Variants in ADAMTS17 observed in about 807,000 individuals in gnomAD.
ADAMTS17 encodes A disintegrin and metalloproteinase with thrombospondin motifs 17.
In ADAMTS17, 113 loss-of-function variants were observed where a neutral mutation model predicts 141.5. That is an observed-to-expected ratio of 0.80 (90% CI 0.69 to 0.93). ADAMTS17 has a LOEUF of 0.93. Ranked by LOEUF, ADAMTS17 falls within the 40% of genes least tolerant of loss-of-function variation. The pLI is 0.00. For missense variants in ADAMTS17, 1,659 were observed against 1,517.9 expected, an observed-to-expected ratio of 1.09 and a Z score of -1.54; for synonymous variants, 768 against 630.6, an observed-to-expected ratio of 1.22 and a Z score of -3.27.
intron 19 of ADAMTS17, among the ~76,000 whole-genome samples, chr15:99,996,995 C>T (rs924106344): frequency 1.3e-5 from 2 of 152,168 alleles, no homozygotes; most frequent in Non-Finnish European, 2.9e-5. Context: ...ATCTGACTCT[C>T]GTAATCTACA....
At chr15:100,138,362 A>G (rs1265563756) in intron 10 of ADAMTS17, among the ~76,000 whole-genome samples, 1 of 152,258 alleles carries the variant, frequency 6.6e-6, no homozygotes, top group African/African-American at 2.4e-5. Flanking sequence ...AGGTAATAAA[A>G]TTGTCAGATA....
At chr15:100,108,913 C>CT in intron 14 of ADAMTS17, 76 bp downstream of exon 14, 1 of 1,607,910 alleles carries the variant, frequency 6.2e-7, no homozygotes, top group Non-Finnish European at 8.5e-7. Flanking sequence ...GACCTCTGCT[C>CT]TACCCCACTC....
intron 15 of ADAMTS17, among the ~76,000 whole-genome samples, chr15:100,083,134 T>A (rs1027781653): frequency 2.0e-5 from 3 of 152,208 alleles, no homozygotes; most frequent in Non-Finnish European, 2.9e-5. Context: ...ATGAGGTGTG[T>A]CGCTTCCCCG....
chr15:100,138,231 A>G (rs1390901508), intron 10 of ADAMTS17, among the ~76,000 whole-genome samples: 1 of 152,206 alleles, frequency 6.6e-6, no homozygotes, highest in Non-Finnish European at 1.5e-5. Flanking sequence ...AAAGAGAGCA[A>G]TTTAGGATCT....
At chr15:100,048,247 G>A (rs910458551) in intron 18 of ADAMTS17, among the ~76,000 whole-genome samples, 21 of 152,124 alleles carry the variant, frequency 1.4e-4, no homozygotes, top group African/African-American at 3.9e-4. Flanking sequence ...ATGCCACAAC[G>A]TAATGGATTC....
chr15:100,044,797 T>C (rs1266141967), intron 18 of ADAMTS17, among the ~76,000 whole-genome samples: 6 of 145,990 alleles, frequency 4.1e-5, no homozygotes, highest in Non-Finnish European at 5.9e-5. Flanking sequence ...GAACTGGATA[T>C]ATAATTTGGA....
intron 8 of ADAMTS17, among the ~76,000 whole-genome samples, chr15:100,159,426 G>A (rs1025292406): frequency 6.6e-6 from 1 of 152,158 alleles, no homozygotes; most frequent in African/African-American, 2.4e-5. Flanking sequence ...GAACTGACTG[G>A]TTTTTCAAGT....
intron 8 of ADAMTS17, among the ~76,000 whole-genome samples, chr15:100,185,441 A>G (rs1215279997): frequency 6.6e-6 from 1 of 152,190 alleles, no homozygotes; most frequent in Admixed American, 6.5e-5. Context: ...ACCCCATGTC[A>G]CAGAATCAAG....
chr15:100,111,657 A>G (rs569675755), intron 13 of ADAMTS17, among the ~76,000 whole-genome samples: 3 of 152,372 alleles, frequency 2.0e-5, no homozygotes, highest in African/African-American at 7.2e-5. Context: ...AATTACCTTT[A>G]GACTGAAATG....
At chr15:100,037,815 C>A (rs930479041) in intron 18 of ADAMTS17, among the ~76,000 whole-genome samples, 18 of 152,108 alleles carry the variant, frequency 1.2e-4, no homozygotes, top group Non-Finnish European at 1.8e-4. Flanking sequence ...CACTCTGTCA[C>A]CCAGGCTGGA....
At chr15:100,235,133 G>A (rs1407278396) in intron 7 of ADAMTS17, among the ~76,000 whole-genome samples, 1 of 152,182 alleles carries the variant, frequency 6.6e-6, no homozygotes, top group African/African-American at 2.4e-5. Flanking sequence ...GATGAGATAG[G>A]ATGCAGGAGG....
intron 8 of ADAMTS17, among the ~76,000 whole-genome samples, chr15:100,174,111 C>G (rs1284319708): frequency 6.6e-6 from 1 of 152,202 alleles, no homozygotes; most frequent in Non-Finnish European, 1.5e-5. Flanking sequence ...CTTTTTCCCA[C>G]AAAGTCCAGG....
intron 8 of ADAMTS17, among the ~76,000 whole-genome samples, chr15:100,180,693 T>C (rs538962300): frequency 7.9e-5 from 12 of 152,224 alleles, no homozygotes; most frequent in Non-Finnish European, 1.5e-4. Context: ...CTTCAATAGC[T>C]TGCATCAGTG....
At chr15:100,122,844 G>A (rs184612898) in intron 12 of ADAMTS17, among the ~76,000 whole-genome samples, 2 of 152,284 alleles carry the variant, frequency 1.3e-5, no homozygotes, top group South Asian at 4.1e-4. Flanking sequence ...TGGTCTTGCT[G>A]TCTCAGGAGC....
At chr15:100,138,095 G>A (rs778317303) in intron 10 of ADAMTS17, among the ~76,000 whole-genome samples, 31 of 152,156 alleles carry the variant, frequency 2.0e-4, no homozygotes, top group Non-Finnish European at 2.9e-4. Context: ...ACAAGGTCAG[G>A]AGATCTATCT....
At chr15:100,116,461 A>G (rs1343146524) in intron 13 of ADAMTS17, among the ~76,000 whole-genome samples, 2 of 152,260 alleles carry the variant, frequency 1.3e-5, no homozygotes, top group African/African-American at 4.8e-5. Flanking sequence ...GGGATCATCC[A>G]CATTGGAAAG....
chr15:100,001,352 CCTTTTTT>C (rs2060918431), intron 18 of ADAMTS17, among the ~76,000 whole-genome samples: 1 of 111,854 alleles, frequency 8.9e-6, no homozygotes, highest in African/African-American at 2.9e-5. Context: ...GGTCTCTTTT[CCTTTTTT>C]TTTTTTTTTT....
intron 4 of ADAMTS17, among the ~76,000 whole-genome samples, chr15:100,276,891 T>C (rs937346803): frequency 6.6e-6 from 1 of 151,822 alleles, no homozygotes; most frequent in Middle Eastern, 3.2e-3. Context: ...ATTTGAGGGA[T>C]TGAGAAAGGG....
chr15:100,053,888 G>A lies in ADAMTS17; in HGVS notation c.2295+9C>T. ...CCCCTAAGACAAGTGTGGAAGCCCA[G>A]CAAGTTACCATCAAGTGCAGCGGTA... On this transcript the variant is annotated intron_variant, in intron 16 of 21. Coordinates refer to ENST00000268070, the MANE Select transcript of ADAMTS17 (RefSeq NM_139057.4). 6.2e-7 allele frequency: 1 copy of A among 1,614,176 alleles called. No individual in the cohort carries two copies. Among genetic ancestry groups the A allele is most frequent in the Non-Finnish European group, 8.5e-7 (1 of 1,180,024 alleles).
Sources: allele counts gnomAD v4.1 joint callset (sites outside exome capture counted in the v4.1 genomes callset), GRCh38; gene constraint gnomAD v4.1.1; transcripts MANE v1.5; gene names NCBI Gene and HGNC (gene_info 2026-07-23, HGNC 2026-07-21).